The following ZNF263 variants were observed in gnomAD, a reference collection of about 807,000 sequenced individuals.
ZNF263 encodes zinc finger protein 263.
ZNF263 carries 49 observed loss-of-function variants against 63.1 expected under a neutral mutation model. The ratio of observed to expected loss-of-function variants is 0.78; its 90% CI spans 0.62 to 0.99. ZNF263 has a LOEUF of 0.99. Among genes scored for constraint, ZNF263 ranks in the 50% least tolerant of loss-of-function variants. The probability of loss-of-function intolerance (pLI) is 0.00; values close to 1 mark genes in which losing one functional copy is unlikely to be tolerated. For missense variants in ZNF263, 872 were observed against 854.8 expected (o/e 1.02, Z -0.25); for synonymous variants, 352 against 324.2 (o/e 1.09, Z -0.92).
At chr16:3,295,846 G>A (rs946943485), downstream of ZNF263, among the ~76,000 whole-genome samples, 21 of 152,224 alleles carry the variant, frequency 1.4e-4, no homozygotes, top group Non-Finnish European at 2.5e-4. Context: ...AGATCCAGGA[G>A]GTGGAGCGGT....
At position 3,284,005 on chromosome 16, in the gene ZNF263, C is replaced by G. The variant is rs771228191; in HGVS notation, c.187C>G (p.Gln63Glu). ...AGPREALSRL[Q>E]ELCHGWLRPE... ...TCCCCGGGAAGCCCTCAGCCGGCTC[C>G]AAGAGCTTTGCCATGGGTGGCTTCG... Residue 63 changes from glutamine (Q) to glutamate (E), a missense_variant, in exon 1 of 6, where the codon CAA (glutamine) becomes GAA (glutamate). Transcript: ENST00000219069. The G allele has an allele frequency of 1.2e-6, 2 of 1,613,884 alleles. No individual in the cohort carries two copies. Among genetic ancestry groups the G allele is most frequent in the Admixed American group, 1.7e-5 (1 of 60,016 alleles).
At chr16:3,287,390 G>A (rs994647903) in intron 4 of ZNF263, among the ~76,000 whole-genome samples, 1 of 145,214 alleles carries the variant, frequency 6.9e-6, no homozygotes, top group African/African-American at 2.5e-5. Flanking sequence ...ACAGGTGTGA[G>A]CCACCACACC....
At chr16:3,284,984 C>T (rs1959287874) in intron 1 of ZNF263, 75 bp from the exon 2 acceptor site, 2 of 1,553,082 alleles carry the variant, frequency 1.3e-6, no homozygotes, top group Non-Finnish European at 1.8e-6. Context: ...TGAAGGTTTG[C>T]TCTCAGTATC....
At chr16:3,300,131 TG>T in intron 2 of ZNF263, 1 of 1,614,250 alleles carries the variant, frequency 6.2e-7, no homozygotes, top group Non-Finnish European at 8.5e-7. Flanking sequence ...TTGATTATCA[TG>T]GACAGTTTTT....
intron 2 of ZNF263, chr16:3,300,240 C>T (rs1959897613): frequency 6.2e-7 from 1 of 1,614,234 alleles, no homozygotes; most frequent in Middle Eastern, 1.6e-4. Context: ...ATCTAAAAAG[C>T]CAACCAGTGC....
intron 2 of ZNF263, chr16:3,299,776 T>C: frequency 6.4e-7 from 1 of 1,564,892 alleles, no homozygotes; most frequent in Non-Finnish European, 8.6e-7. Flanking sequence ...TCTTAGAACA[T>C]TAAGTTGAAA....
chr16:3,291,158 C>G lies in ZNF263; in HGVS notation c.*600C>G. On this transcript the variant is annotated 3_prime_UTR_variant, in exon 6 of 6. Transcript: ENST00000219069. ...GGCAGATTACACATGTAAATATGAC[C>G]TCAGACAAAAAGGAACCAGAGGCCC... is the stretch of plus-strand genomic sequence containing the variant. 1.0e-6 allele frequency: 1 copy of G among 985,754 alleles called. No individual in the cohort carries two copies. Among genetic ancestry groups the G allele is most frequent in the Non-Finnish European group, 1.2e-6 (1 of 830,236 alleles). 61.1% of individuals were successfully genotyped at this position (985,754 alleles called of 1,614,324 possible). A position where few individuals can be genotyped will look rare whatever the true frequency, so the allele number is the denominator to read the frequency against.
downstream of ZNF263, among the ~76,000 whole-genome samples, chr16:3,295,343 A>G (rs1005311723): frequency 2.0e-5 from 3 of 151,612 alleles, no homozygotes; most frequent in African/African-American, 7.3e-5. Flanking sequence ...CTGTGCCCAG[A>G]CCCCTGGGGC....
chr16:3,288,608 C>A, intron 5 of ZNF263, 38 bp downstream of exon 5: 1 of 1,500,494 alleles, frequency 6.7e-7, no homozygotes, highest in Non-Finnish European at 9.1e-7. Flanking sequence ...CAGCAAGCAG[C>A]AAGGCTCTTG....
At chr16:3,288,878 G>A (rs1473758659) in intron 5 of ZNF263, among the ~76,000 whole-genome samples, 2 of 152,102 alleles carry the variant, frequency 1.3e-5, no homozygotes, top group Admixed American at 6.5e-5. Flanking sequence ...CTGACCTCAG[G>A]TGATCCACCC....
chr16:3,290,474 G>C lies in ZNF263; in HGVS notation c.1968G>C (p.Glu656Asp). The C allele has an allele frequency of 6.2e-7, 1 of 1,614,170 alleles. No individual in the cohort carries two copies. The highest frequency in any genetic ancestry group is 8.5e-7 in the Non-Finnish European group (1 of 1,180,032). Residue 656 changes from glutamate (E) to aspartate (D), a missense_variant, in exon 6 of 6, where the codon GAG (glutamate) becomes GAC (aspartate). Coordinates refer to ENST00000219069, the MANE Select transcript of ZNF263 (RefSeq NM_005741.5). ...GCCACCTGAGAACGCATACGGGAGA[G>C]AGACCCTATAAATGTTCTGAATGTG... ...RIRHLRTHTG[E>D]RPYKCSECGE...
Position 3,285,733 on chromosome 16 carries a change from C to G in ZNF263, c.621C>G (p.Asp207Glu). Residue 207 changes from aspartate to glutamate, a missense_variant, in exon 3 of 6, where the codon GAC (aspartate) becomes GAG (glutamate). Physicochemically the swap from Asp to Glu is conservative, Grantham distance 45. Transcript: ENST00000219069. Reference protein sequence around the residue: ...SLFPPEGNMEDKEMTGPQLPE... With the variant: ...SLFPPEGNMEEKEMTGPQLPE... ...TTCCTCCTGAAGGGAACATGGAAGA[C>G]AAGGAGATGACTGGGCCCCAGGTGA... 2 of 1,614,142 alleles carry G rather than the reference C, an allele frequency of 1.2e-6. No homozygotes were observed. Among genetic ancestry groups the G allele is most frequent in the Non-Finnish European group, 1.7e-6 (2 of 1,180,028 alleles).
intron 2 of ZNF263, 135 bp from the exon 3 acceptor site, chr16:3,285,546 T>C: frequency 2.3e-6 from 2 of 868,680 alleles, no homozygotes; most frequent in Admixed American, 2.1e-5. Context: ...TATCAGCTGA[T>C]TAGGCCTCTG....
chr16:3,289,323 C>A, intron 5 of ZNF263, 70 bp from the exon 6 acceptor site: 1 of 1,471,544 alleles, frequency 6.8e-7, no homozygotes, highest in Middle Eastern at 1.9e-4. Flanking sequence ...CAGGCAGCGG[C>A]AGACAGGTGG....
In ZNF263 at chr16:3,290,562, CAG is replaced by C; in HGVS notation, c.*5_*6del. On this transcript the variant is annotated 3_prime_UTR_variant, in exon 6 of 6. Coordinates refer to ENST00000219069, the MANE Select transcript of ZNF263 (RefSeq NM_005741.5). ...TCAGAGAACTCACACAGGTTAGTAACAGTGGGGTTTCTCTTTGCCCCAGGTGA... is the reference window on the plus strand; with the variant it reads ...TCAGAGAACTCACACAGGTTAGTAACTGGGGTTTCTCTTTGCCCCAGGTGA... 6.3e-7 allele frequency: 1 copy of C among 1,597,436 alleles called. No homozygotes were observed. Among genetic ancestry groups the C allele is most frequent in the Non-Finnish European group, 8.5e-7 (1 of 1,171,738 alleles).
chr16:3,290,963 G>A lies in ZNF263; in HGVS notation c.*405G>A, dbSNP rs1016385257. On this transcript the variant is annotated 3_prime_UTR_variant, in exon 6 of 6. Transcript: ENST00000219069. ...ATTCAGTAGGAGCATTTGGGCTTCC[G>A]GGGCCCCTGAGACCAAAGAAGAGGG... The A allele has an allele frequency of 2.0e-5, 20 of 1,000,118 alleles. No homozygotes were observed. The highest frequency in any genetic ancestry group is 4.2e-5 in the South Asian group (1 of 23,638). 62.0% of individuals were successfully genotyped at this position (1,000,118 alleles called of 1,614,324 possible). A position where few individuals can be genotyped will look rare whatever the true frequency, so the allele number is the denominator to read the frequency against.
At chr16:3,287,168 C>G (rs564296566) in intron 4 of ZNF263, among the ~76,000 whole-genome samples, 7 of 152,206 alleles carry the variant, frequency 4.6e-5, no homozygotes, top group African/African-American at 2.4e-5. Context: ...ACTAATTCTG[C>G]AAACGCAATC....
At chr16:3,286,316 G>T in intron 4 of ZNF263, 167 bp downstream of exon 4, 1 of 1,024,406 alleles carries the variant, frequency 9.8e-7, no homozygotes. Flanking sequence ...TCTGCCAAGT[G>T]GTACAGTTGG....
At position 3,290,200 on chromosome 16, in the gene ZNF263, A is replaced by G; in HGVS notation, c.1694A>G (p.His565Arg). The G allele has an allele frequency of 1.2e-6, 2 of 1,614,104 alleles. No homozygotes were observed. The highest frequency in any genetic ancestry group is 1.1e-5 in the South Asian group (1 of 91,076). ...GACAGCACCCCCTTTCTTACAAACC[A>G]TGGAGCCCATAAGGCAGAGAAGAAG... ...VSDSTPFLTN[H>R]GAHKAEKKLF... The change falls in exon 6 of 6, where the codon CAT becomes CGT. Residue 565 changes from histidine to arginine, a missense_variant. His to Arg is a conservative substitution (Grantham distance 29). Transcript: ENST00000219069.
Sources: gnomAD v4.1 joint callset for allele counts (sites outside exome capture counted in the v4.1 genomes callset) on GRCh38, gnomAD v4.1.1 for gene constraint, MANE v1.5 for transcripts, NCBI Gene and HGNC (gene_info 2026-07-23, HGNC 2026-07-21) for gene names.